Variants in NEMP2 observed in about 807,000 individuals in gnomAD.
The protein encoded by NEMP2 is UPF0571 transmembrane protein.
Under a neutral mutation model 54.2 loss-of-function variants are expected in NEMP2, and 53 were observed. That is an observed-to-expected ratio of 0.98 (90% CI 0.78 to 1.23). The LOEUF (loss-of-function observed/expected upper bound fraction) is 1.23, where lower values mean the gene tolerates loss of function less well. NEMP2 is among the 50% of genes most tolerant of loss of function. The probability of loss-of-function intolerance (pLI) is 0.00; values close to 1 mark genes in which losing one functional copy is unlikely to be tolerated. For synonymous variants in NEMP2, 197 were observed against 190.3 expected, an observed-to-expected ratio of 1.04 and a Z score of -0.29; for missense variants, 455 against 511.3, an observed-to-expected ratio of 0.89 and a Z score of 1.06.
the NEMP2 span, chr2:190,568,095 T>C: frequency 6.6e-6 from 1 of 152,286 alleles, no homozygotes; most frequent in South Asian, 2.1e-4. The surrounding 1 kb of genome is among the most constrained non-coding windows in gnomAD (Gnocchi z 4.7). Context: ...GGATATAATC[T>C]AAGAAAATAA....
At chr2:190,549,137 A>G in the NEMP2 span, among the ~76,000 whole-genome samples, 43,123 of 152,128 alleles carry the variant, frequency 0.28, 6,883 homozygotes, top group East Asian at 0.46. Flanking sequence ...TCATACTTAC[A>G]GTGCAGTTTG....
At position 190,522,619 on chromosome 2, in the gene NEMP2, C is replaced by T. The variant is rs1054184708; in HGVS notation, c.213+2644G>A. ...GGACATGCCCCATTATGCCCTCCTC[C>T]CTTTTGGAATTCAGGAAAAACCAAC... On this transcript the variant is annotated intron_variant, in intron 2 of 8. Transcript: ENST00000409150. The surrounding 1 kb of genome is among the most constrained non-coding windows in gnomAD (Gnocchi z 5.0). Among the ~76,000 whole-genome samples the T allele has an allele frequency of 6.6e-6, 1 of 152,128 alleles. No homozygotes were observed.
the NEMP2 span, among the ~76,000 whole-genome samples, chr2:190,472,475 G>T: frequency 6.6e-6 from 1 of 152,218 alleles, no homozygotes; most frequent in African/African-American, 2.4e-5. Context: ...TCATCTGGAA[G>T]AAAGGGTATC....
the NEMP2 span, among the ~76,000 whole-genome samples, chr2:190,565,692 T>C: frequency 6.6e-6 from 1 of 152,172 alleles, no homozygotes; most frequent in South Asian, 2.1e-4. Context: ...ATAGGCTGAA[T>C]TGCATCTCCC....
chr2:190,456,355 A>G, the NEMP2 span, among the ~76,000 whole-genome samples: 3 of 152,200 alleles, frequency 2.0e-5, no homozygotes, highest in Non-Finnish European at 4.4e-5. This position sits in a 1 kb window ranked among gnomAD's most constrained non-coding sequence, Gnocchi z 5.4. Flanking sequence ...GTGCTAGTGA[A>G]TGTTCAGGAA....
chr2:190,425,671 C>T, the NEMP2 span, among the ~76,000 whole-genome samples: 2 of 152,098 alleles, frequency 1.3e-5, no homozygotes, highest in South Asian at 2.1e-4. The surrounding 1 kb of genome is among the most constrained non-coding windows in gnomAD (Gnocchi z 4.3). Context: ...TGAAATATTG[C>T]ATCAGCCTTG....
At chr2:190,432,457 C>G in the NEMP2 span, among the ~76,000 whole-genome samples, 3 of 152,156 alleles carry the variant, frequency 2.0e-5, no homozygotes, top group Non-Finnish European at 4.4e-5. Flanking sequence ...CTCCGTCACC[C>G]AGGCTGGAGA....
At chr2:190,593,344 G>A in the NEMP2 span, among the ~76,000 whole-genome samples, 1 of 152,204 alleles carries the variant, frequency 6.6e-6, no homozygotes. This position sits in a 1 kb window ranked among gnomAD's most constrained non-coding sequence, Gnocchi z 4.5. Flanking sequence ...GATTGAAGGT[G>A]AGCAATGGAG....
intron 1 of NEMP2, 95 bp downstream of exon 1, chr2:190,534,464 G>A: frequency 8.0e-7 from 1 of 1,254,120 alleles, no homozygotes; most frequent in East Asian, 3.3e-5. Flanking sequence ...TGGGCCTCGC[G>A]GTGCCGCCCG....
chr2:190,564,016 C>A, the NEMP2 span, among the ~76,000 whole-genome samples: 2 of 152,224 alleles, frequency 1.3e-5, no homozygotes, highest in Admixed American at 1.3e-4. This position sits in a 1 kb window ranked among gnomAD's most constrained non-coding sequence, Gnocchi z 4.2. Flanking sequence ...TAAAGTCACT[C>A]CTGAGTCCTC....
In NEMP2 at chr2:190,515,359, T is replaced by C. The variant is rs558714977; in HGVS notation, c.728-681A>G. The stretch of plus-strand genomic sequence containing the variant: ...GCTTGGTTTCTTTAGCATATCACTA[T>C]GATGAAAAAAGAACTGCTACGGATT... On this transcript the variant is annotated intron_variant, in intron 6 of 8. Transcript: ENST00000409150. 2.4e-4 allele frequency among the ~76,000 whole-genome samples: 36 copies of C among 152,270 alleles called. 1 individual carries two copies. The highest frequency in any genetic ancestry group is 1.4e-3 in the Admixed American group (22 of 15,300).
chr2:190,595,018 T>C, the NEMP2 span, among the ~76,000 whole-genome samples: 1 of 152,274 alleles, frequency 6.6e-6, no homozygotes. The surrounding 1 kb of genome is among the most constrained non-coding windows in gnomAD (Gnocchi z 4.0). Flanking sequence ...ATATCATATA[T>C]GCAGTTTAAA....
the NEMP2 span, among the ~76,000 whole-genome samples, chr2:190,619,238 C>T: frequency 5.3e-5 from 8 of 151,096 alleles, no homozygotes; most frequent in East Asian, 1.2e-3. This position sits in a 1 kb window ranked among gnomAD's most constrained non-coding sequence, Gnocchi z 5.5. Flanking sequence ...ATTAGCTGGG[C>T]GTGGTGGTGC....
At chr2:190,562,194 G>T in the NEMP2 span, among the ~76,000 whole-genome samples, 2 of 152,198 alleles carry the variant, frequency 1.3e-5, no homozygotes, top group African/African-American at 4.8e-5. The surrounding 1 kb of genome is among the most constrained non-coding windows in gnomAD (Gnocchi z 5.0). Context: ...AGCTCAAAGG[G>T]AAAACAGACC....
the NEMP2 span, among the ~76,000 whole-genome samples, chr2:190,550,664 C>T: frequency 6.6e-6 from 1 of 152,116 alleles, no homozygotes; most frequent in Admixed American, 6.5e-5. The surrounding 1 kb of genome is among the most constrained non-coding windows in gnomAD (Gnocchi z 4.7). Context: ...AATAGCAGTG[C>T]TATATCTGCA....
the NEMP2 span, chr2:190,624,748 T>C: frequency 1.3e-5 from 2 of 152,190 alleles, no homozygotes; most frequent in Non-Finnish European, 2.9e-5. Context: ...ATGTGGGAGC[T>C]AAATGTGGAT....
At chr2:190,597,162 G>C in the NEMP2 span, among the ~76,000 whole-genome samples, 5 of 151,682 alleles carry the variant, frequency 3.3e-5, no homozygotes, top group Non-Finnish European at 7.4e-5. The surrounding 1 kb of genome is among the most constrained non-coding windows in gnomAD (Gnocchi z 4.7). Flanking sequence ...TACTGAGCAG[G>C]CTGAAGTAAG....
downstream of NEMP2, chr2:190,500,194 T>G: frequency 1.2e-6 from 2 of 1,614,022 alleles, no homozygotes; most frequent in Non-Finnish European, 1.7e-6. The surrounding 1 kb of genome is among the most constrained non-coding windows in gnomAD (Gnocchi z 5.3). Context: ...AGCAGCAGGC[T>G]CAGCTGGCCG....
Position 190,510,667 on chromosome 2 carries a change from G to A in NEMP2, c.954-130C>T. The stretch of plus-strand genomic sequence containing the variant: ...GAGGCCTGGGGAGGCGGATCACGAG[G>A]TCAGGAGATTGAGACGGTCCTGGCT... On this transcript the variant is annotated intron_variant, in intron 7 of 8. Transcript: ENST00000409150. The surrounding 1 kb of genome is among the most constrained non-coding windows in gnomAD (Gnocchi z 5.7). 2.4e-6 allele frequency: 2 copies of A among 822,750 alleles called. No individual in the cohort carries two copies. The highest frequency in any genetic ancestry group is 3.8e-6 in the Non-Finnish European group (2 of 520,376). 51.0% of individuals were successfully genotyped at this position (822,750 alleles called of 1,614,324 possible).
Sources: allele counts gnomAD v4.1 joint callset (sites outside exome capture counted in the v4.1 genomes callset), GRCh38; gene constraint gnomAD v4.1.1; non-coding constraint Gnocchi (gnomAD v3.1); transcripts MANE v1.5; gene names NCBI Gene and HGNC (gene_info 2026-07-23, HGNC 2026-07-21).